Variants in EIF3J observed in about 807,000 individuals in gnomAD.
EIF3J encodes eukaryotic translation initiation factor 3, subunit 1 (alpha, 35kD).
Under a neutral mutation model 39.0 loss-of-function variants are expected in EIF3J, and 15 were observed. That is an observed-to-expected ratio of 0.38 (90% CI 0.26 to 0.59). The LOEUF (loss-of-function observed/expected upper bound fraction) is 0.59. EIF3J is among the 20% of genes least tolerant of loss of function. EIF3J has a pLI of 0.60. For missense variants in EIF3J, 226 were observed against 308.6 expected (o/e 0.73, Z 2.00); for synonymous variants, 98 against 112.9 (o/e 0.87, Z 0.84).
At chr15:44,554,020 AT>A (rs200724474) in intron 4 of EIF3J, among the ~76,000 whole-genome samples, 14,892 of 152,046 alleles carry the variant, frequency 0.098, 1,483 homozygotes, top group African/African-American at 0.24. Flanking sequence ...GTTACCTTCT[AT>A]TTAGTTGTGG....
intron 2 of EIF3J, among the ~76,000 whole-genome samples, chr15:44,539,166 A>G (rs1397199000): frequency 6.6e-6 from 1 of 151,018 alleles, no homozygotes; most frequent in East Asian, 2.0e-4. Flanking sequence ...AGCTGGGATT[A>G]CAGGCACGCA....
chr15:44,555,685 A>G (rs1595806391), intron 5 of EIF3J, among the ~76,000 whole-genome samples: 1 of 152,240 alleles, frequency 6.6e-6, no homozygotes, highest in Non-Finnish European at 1.5e-5. Flanking sequence ...AAAGCCTAGC[A>G]TGGGACACCT....
intron 5 of EIF3J, among the ~76,000 whole-genome samples, chr15:44,555,964 C>G (rs2082141388): frequency 6.6e-6 from 1 of 152,126 alleles, no homozygotes; most frequent in South Asian, 2.1e-4. Flanking sequence ...TCAAGCCATC[C>G]TCCCACCTTA....
chr15:44,550,611 T>G (rs2082091025), intron 2 of EIF3J: 2 of 259,718 alleles, frequency 7.7e-6, no homozygotes, highest in Non-Finnish European at 1.5e-5. Flanking sequence ...TAAAGAGAAA[T>G]GCGCAGAGCC....
intron 5 of EIF3J, among the ~76,000 whole-genome samples, chr15:44,557,047 G>T (rs1411685395): frequency 6.6e-6 from 1 of 152,122 alleles, no homozygotes; most frequent in Non-Finnish European, 1.5e-5. Flanking sequence ...ATACTAAAAT[G>T]ACAAATTTGT....
At chr15:44,537,534 C>G in intron 2 of EIF3J, 107 bp downstream of exon 2, 1 of 1,199,368 alleles carries the variant, frequency 8.3e-7, no homozygotes. Flanking sequence ...TGGGTCCAGG[C>G]GCGAGCATAG....
At chr15:44,560,104 A>T in intron 6 of EIF3J, 145 bp from the exon 7 acceptor site, 1 of 661,748 alleles carries the variant, frequency 1.5e-6, no homozygotes, top group Non-Finnish European at 2.4e-6. Flanking sequence ...ACTGAAGTTT[A>T]ACAATGAACA....
At chr15:44,551,000 A>G in intron 3 of EIF3J, 70 bp downstream of exon 3, 1 of 1,538,176 alleles carries the variant, frequency 6.5e-7, no homozygotes, top group Non-Finnish European at 8.8e-7. Flanking sequence ...TATTAAGACA[A>G]ATGACAGAAC....
rs1415608066 is a variant in EIF3J, at chr15:44,562,290, A to ACAT, written c.*1142_*1144dup. 2.0e-5 allele frequency: 3 copies of ACAT among 152,536 alleles called. No homozygotes were observed. Among genetic ancestry groups the ACAT allele is most frequent in the African/African-American group, 7.2e-5 (3 of 41,422 alleles). 9.4% of individuals were successfully genotyped at this position (152,536 alleles called of 1,614,324 possible). A position where few individuals can be genotyped will look rare whatever the true frequency, so the allele number is the denominator to read the frequency against. On this transcript the variant is annotated 3_prime_UTR_variant, in exon 8 of 8. Transcript: ENST00000261868. ...CTGCCTTCCTCTTATTTATTTGGGGACATTATTTTGTTATTTAGATACCAA... is the reference window on the plus strand; with the variant it reads ...CTGCCTTCCTCTTATTTATTTGGGGACATCATTATTTTGTTATTTAGATACCAA...
intron 2 of EIF3J, among the ~76,000 whole-genome samples, chr15:44,544,886 C>T (rs2082041524): frequency 6.6e-6 from 1 of 151,766 alleles, no homozygotes; most frequent in Non-Finnish European, 1.5e-5. Flanking sequence ...TACCTGTAGT[C>T]CCAACTACTC....
rs1223453265 is a variant in EIF3J, at chr15:44,560,271, A to G, written c.594A>G (p.Lys198=). Reference sequence around the variant, plus strand: ...AAGTGGAAATTGATGACTTGAAAAAAATTACCAATTCACTGACTGTGCTTT... The same window carrying G: ...AAGTGGAAATTGATGACTTGAAAAAGATTACCAATTCACTGACTGTGCTTT... The part of the protein sequence containing the change: ...CISLEIDDLK[K]ITNSLTVLCS... Residue 198 remains lysine (K), a synonymous_variant, in exon 7 of 8, where the codon AAA becomes AAG. Transcript: ENST00000261868. The G allele has an allele frequency of 1.2e-6, 2 of 1,606,600 alleles. No individual in the cohort carries two copies.
chr15:44,537,350 C>T lies in EIF3J; in HGVS notation c.70C>T (p.Pro24Ser). 1 of 1,566,908 alleles carries T rather than the reference C, an allele frequency of 6.4e-7. No individual in the cohort carries two copies. Among genetic ancestry groups the T allele is most frequent in the Non-Finnish European group, 8.7e-7 (1 of 1,155,682 alleles). ...WDADAFSVEDPVRKVGGGGTA... is the reference protein window; with the variant it reads ...WDADAFSVEDSVRKVGGGGTA... ...CGCCGACGCTTTCTCCGTGGAAGAC[C>T]CAGTGCGGAAGGTGGGGGGCGGCGG... is the stretch of plus-strand genomic sequence containing the variant. The change falls in exon 2 of 8, where the codon CCA becomes TCA. Residue 24 changes from proline (P) to serine (S), a missense_variant. Pro to Ser is a moderately conservative substitution (Grantham distance 74). Coordinates refer to ENST00000261868, the MANE Select transcript of EIF3J (RefSeq NM_003758.4).
intron 5 of EIF3J, among the ~76,000 whole-genome samples, chr15:44,556,365 A>G (rs1428521082): frequency 6.6e-6 from 1 of 152,074 alleles, no homozygotes; most frequent in East Asian, 1.9e-4. Context: ...TTTTAGAGAA[A>G]GGTTCTTGCT....
Position 44,550,939 on chromosome 15 carries a change from C to T in EIF3J, c.202+9C>T. ...AGCAGAAGTAAAACCAGGTGAGCCA[C>T]TGGGGCGCCTCCATTTTTGTTTTTA... On this transcript the variant is annotated intron_variant, in intron 3 of 7. Coordinates refer to ENST00000261868, the MANE Select transcript of EIF3J (RefSeq NM_003758.4). 6.2e-7 allele frequency: 1 copy of T among 1,605,130 alleles called. No individual in the cohort carries two copies. The highest frequency in any genetic ancestry group is 8.5e-7 in the Non-Finnish European group (1 of 1,174,916).
intron 4 of EIF3J, 152 bp downstream of exon 4, chr15:44,551,674 G>C: frequency 1.7e-6 from 1 of 595,332 alleles, no homozygotes; most frequent in East Asian, 3.3e-5. Context: ...ATTGATTTGT[G>C]GTTTTTGCAA....
intron 6 of EIF3J, among the ~76,000 whole-genome samples, chr15:44,559,495 C>T (rs1013969925): frequency 6.6e-6 from 1 of 151,364 alleles, no homozygotes; most frequent in Non-Finnish European, 1.5e-5. Flanking sequence ...CGGATCACGT[C>T]AGGAGATCAA....
chr15:44,557,433 T>G (rs1359513324), intron 5 of EIF3J, 56 bp from the exon 6 acceptor site: 49 of 1,351,926 alleles, frequency 3.6e-5, no homozygotes, highest in Non-Finnish European at 4.6e-5. Context: ...TTGTAAGGTT[T>G]CATTTTTAAA....
intron 2 of EIF3J, among the ~76,000 whole-genome samples, chr15:44,541,736 T>C (rs957370987): frequency 2.0e-5 from 3 of 152,126 alleles, no homozygotes; most frequent in Admixed American, 1.3e-4. Context: ...AAAATGGGTA[T>C]TTTGAAGAGA....
At chr15:44,548,487 A>C (rs534367908) in intron 2 of EIF3J, among the ~76,000 whole-genome samples, 1 of 152,380 alleles carries the variant, frequency 6.6e-6, no homozygotes, top group South Asian at 2.1e-4. Flanking sequence ...GGATAGGATC[A>C]AAAGCCCAGA....
Sources: allele counts gnomAD v4.1 joint callset (sites outside exome capture counted in the v4.1 genomes callset), GRCh38; gene constraint gnomAD v4.1.1; transcripts MANE v1.5; gene names NCBI Gene and HGNC (gene_info 2026-07-23, HGNC 2026-07-21).